The following DNAJC1 variants were observed in gnomAD, a reference collection of about 807,000 sequenced individuals.
The protein encoded by DNAJC1 is DnaJ heat shock protein family (Hsp40) member C1.
In DNAJC1, 58 loss-of-function variants were observed where a neutral mutation model predicts 76.6. The observed-to-expected ratio is 0.76, with a 90% CI of 0.61 to 0.94. DNAJC1 has a LOEUF of 0.94. Ranked by LOEUF, DNAJC1 falls within the 40% of genes least tolerant of loss-of-function variation. DNAJC1 has a pLI of 0.00. For missense variants in DNAJC1, 689 were observed against 677.3 expected, an observed-to-expected ratio of 1.02 and a Z score of -0.19; for synonymous variants, 258 against 267.9, an observed-to-expected ratio of 0.96 and a Z score of 0.36.
intron 8 of DNAJC1, among the ~76,000 whole-genome samples, chr10:21,845,710 A>AT (rs1319537118): frequency 1.3e-5 from 2 of 152,074 alleles, no homozygotes; most frequent in Non-Finnish European, 2.9e-5. Context: ...TAATTCAATT[A>AT]TTTTTTTATT....
intron 9 of DNAJC1, among the ~76,000 whole-genome samples, chr10:21,783,619 G>C (rs2131629482): frequency 6.6e-6 from 1 of 152,278 alleles, no homozygotes; most frequent in South Asian, 2.1e-4. Flanking sequence ...AAAGAACAAA[G>C]CTGGAGGCAT....
intron 9 of DNAJC1, chr10:21,803,847 A>G (rs1589986603): frequency 3.1e-6 from 3 of 967,062 alleles, no homozygotes. Flanking sequence ...TTATGAAAAC[A>G]GAACTAATAC....
chr10:21,923,251 C>T (rs913030474), intron 3 of DNAJC1, among the ~76,000 whole-genome samples: 1 of 151,904 alleles, frequency 6.6e-6, no homozygotes, highest in Non-Finnish European at 1.5e-5. Flanking sequence ...ATAGCTCACA[C>T]GACTGGCCAT....
chr10:21,875,149 G>C (rs1430681284), intron 8 of DNAJC1, among the ~76,000 whole-genome samples: 2 of 152,008 alleles, frequency 1.3e-5, no homozygotes, highest in African/African-American at 4.8e-5. Context: ...CCAAAGTGCT[G>C]GGATTACAGG....
At chr10:21,965,432 G>C (rs1837876055) in intron 1 of DNAJC1, among the ~76,000 whole-genome samples, 1 of 152,092 alleles carries the variant, frequency 6.6e-6, no homozygotes, top group African/African-American at 2.4e-5. Flanking sequence ...TACTGTCAGA[G>C]GCATTCTAAC....
At chr10:21,904,420 AG>A (rs1564822665) in intron 7 of DNAJC1, 101 bp downstream of exon 7, 19 of 764,754 alleles carry the variant, frequency 2.5e-5, no homozygotes, top group Admixed American at 3.8e-5. Flanking sequence ...AAAAAAAAAA[AG>A]AAAACCAGAA....
chr10:21,804,462 T>C (rs984908548), intron 9 of DNAJC1, among the ~76,000 whole-genome samples: 1 of 152,034 alleles, frequency 6.6e-6, no homozygotes, highest in Admixed American at 6.6e-5. Context: ...TCATAGTACT[T>C]AAAACATCAA....
At chr10:21,799,756 G>A (rs979822456) in intron 9 of DNAJC1, among the ~76,000 whole-genome samples, 3 of 151,886 alleles carry the variant, frequency 2.0e-5, no homozygotes, top group Admixed American at 6.6e-5. Context: ...TGTCCTCTTC[G>A]ATTTATTCCT....
In DNAJC1 at chr10:21,910,367, G is replaced by A. The variant is rs192447782; in HGVS notation, c.730-5755C>T. On this transcript the variant is annotated intron_variant, in intron 6 of 11. Coordinates refer to ENST00000376980, the MANE Select transcript of DNAJC1 (RefSeq NM_022365.4). ...TGATCTCTGGTGATCCGCCCACCTTGGCCTCCCAAAGTGCTGGTGTGAGCC... is the reference window on the plus strand; with the variant it reads ...TGATCTCTGGTGATCCGCCCACCTTAGCCTCCCAAAGTGCTGGTGTGAGCC... 2.0e-5 allele frequency among the ~76,000 whole-genome samples: 3 copies of A among 152,152 alleles called. No homozygotes were observed. The East Asian group carries it at 5.8e-4, about 29-fold the overall frequency.
intron 1 of DNAJC1, among the ~76,000 whole-genome samples, chr10:21,949,780 T>C (rs1390610190): frequency 6.6e-6 from 1 of 151,892 alleles, no homozygotes; most frequent in Middle Eastern, 3.2e-3. Context: ...TGGAGTTAAC[T>C]TGGTAATTGG....
At position 21,788,944 on chromosome 10, in the gene DNAJC1, C is replaced by G. The variant is rs552467138; in HGVS notation, c.1098+17036G>C. Among the ~76,000 whole-genome samples the G allele has an allele frequency of 1.3e-4, 20 of 152,274 alleles. No individual in the cohort carries two copies. In the South Asian group the frequency reaches 4.2e-3, roughly 32 times the overall value. Reference sequence around the variant, plus strand: ...TCCCAGCACTAAGAGCAACCTACATCCAACCCTGCCACAGAGAGCAAGCTT... The same window carrying G: ...TCCCAGCACTAAGAGCAACCTACATGCAACCCTGCCACAGAGAGCAAGCTT... On this transcript the variant is annotated intron_variant, in intron 9 of 11. Transcript: ENST00000376980.
At chr10:21,966,072 G>A (rs1010216298) in intron 1 of DNAJC1, among the ~76,000 whole-genome samples, 1 of 152,146 alleles carries the variant, frequency 6.6e-6, no homozygotes, top group Non-Finnish European at 1.5e-5. Flanking sequence ...GTACCAGTGA[G>A]TTAGTTGTGA....
At chr10:21,903,832 A>G (rs1258717621) in intron 7 of DNAJC1, among the ~76,000 whole-genome samples, 1 of 152,192 alleles carries the variant, frequency 6.6e-6, no homozygotes, top group Non-Finnish European at 1.5e-5. Context: ...TGGAAATCAG[A>G]TGGTAAACAA....
At chr10:21,939,097 G>A (rs1837362012) in intron 1 of DNAJC1, among the ~76,000 whole-genome samples, 1 of 152,202 alleles carries the variant, frequency 6.6e-6, no homozygotes, top group Non-Finnish European at 1.5e-5. Context: ...CACCATGTTG[G>A]CCAGGATGGT....
At chr10:21,915,793 A>T (rs1024398901) in intron 6 of DNAJC1, among the ~76,000 whole-genome samples, 2 of 151,926 alleles carry the variant, frequency 1.3e-5, no homozygotes, top group African/African-American at 4.8e-5. Context: ...GCTCAAAATA[A>T]GAGTTGTTAA....
chr10:21,893,742 A>G (rs191192918), intron 7 of DNAJC1, among the ~76,000 whole-genome samples: 8 of 152,108 alleles, frequency 5.3e-5, no homozygotes, highest in Middle Eastern at 3.4e-3. Flanking sequence ...TCAAATTAAT[A>G]ATCTAAACTT....
chr10:21,963,322 G>C (rs935200302), intron 1 of DNAJC1, among the ~76,000 whole-genome samples: 2 of 152,136 alleles, frequency 1.3e-5, no homozygotes, highest in East Asian at 3.8e-4. Flanking sequence ...CGTTAACACT[G>C]TAACACCTAC....
intron 1 of DNAJC1, among the ~76,000 whole-genome samples, chr10:21,929,461 A>G (rs1361050075): frequency 6.6e-6 from 1 of 152,252 alleles, no homozygotes; most frequent in Non-Finnish European, 1.5e-5. Flanking sequence ...TAAGAGATCA[A>G]AAAGAAACAA....
Position 21,757,817 on chromosome 10 carries a change from G to A in DNAJC1, c.1597-1062C>T, listed in dbSNP as rs549172868. ...CTCGCTCTCAAGTCAAGGCTTGAGG[G>A]GAACACCCGCAGGCTGAAGAAGCCC... On this transcript the variant is annotated intron_variant, in intron 11 of 11. Coordinates refer to ENST00000376980, the MANE Select transcript of DNAJC1 (RefSeq NM_022365.4). Among the ~76,000 whole-genome samples the A allele has an allele frequency of 3.3e-5, 5 of 152,298 alleles. No individual in the cohort carries two copies. In the East Asian group the frequency reaches 9.6e-4, roughly 29 times the overall value.
Sources: gnomAD v4.1 joint callset for allele counts (sites outside exome capture counted in the v4.1 genomes callset) on GRCh38, gnomAD v4.1.1 for gene constraint, MANE v1.5 for transcripts, NCBI Gene and HGNC (gene_info 2026-07-23, HGNC 2026-07-21) for gene names.